The following ATP11B variants were observed in gnomAD, a reference collection of about 807,000 sequenced individuals.
ATP11B encodes ATPase phospholipid transporting 11B (putative), also known as phospholipid-transporting ATPase IF.
ATP11B carries 81 observed loss-of-function variants against 157.8 expected under a neutral mutation model. The observed-to-expected ratio is 0.51, with a 90% CI of 0.43 to 0.62. ATP11B has a LOEUF of 0.62. ATP11B is among the 20% of genes least tolerant of loss of function. ATP11B has a pLI of 0.00. For synonymous variants in ATP11B, 451 were observed against 469.4 expected, an observed-to-expected ratio of 0.96 and a Z score of 0.51; for missense variants, 1,165 against 1,402.2, an observed-to-expected ratio of 0.83 and a Z score of 2.70.
chr3:182,835,284 G>A (rs932235672), intron 4 of ATP11B, among the ~76,000 whole-genome samples: 4 of 152,140 alleles, frequency 2.6e-5, no homozygotes, highest in Admixed American at 2.6e-4. Context: ...CTGTCAGTCT[G>A]TTGTTTAAGA....
intron 9 of ATP11B, among the ~76,000 whole-genome samples, chr3:182,847,696 G>A (rs548314439): frequency 3.9e-5 from 6 of 152,182 alleles, no homozygotes; most frequent in Non-Finnish European, 7.4e-5. Flanking sequence ...TCAGTTTTTA[G>A]GCATTTTGTT....
At chr3:182,887,012 C>T (rs1396021447) in intron 23 of ATP11B, among the ~76,000 whole-genome samples, 1 of 152,108 alleles carries the variant, frequency 6.6e-6, no homozygotes, top group African/African-American at 2.4e-5. Flanking sequence ...ATTTGGGAGG[C>T]AGTATTAATA....
At position 182,847,241 on chromosome 3, in the gene ATP11B, G is replaced by A. The variant is rs895793500; in HGVS notation, c.770-1235G>A. Reference sequence around the variant, plus strand: ...AATTTTTGTATTTTTAGTAGACCACGTTGGCCAGGTTGGTCTCGAACTCCT... The same window carrying A: ...AATTTTTGTATTTTTAGTAGACCACATTGGCCAGGTTGGTCTCGAACTCCT... On this transcript the variant is annotated intron_variant, in intron 9 of 29. Coordinates refer to ENST00000323116, the MANE Select transcript of ATP11B (RefSeq NM_014616.3). Among the ~76,000 whole-genome samples the A allele has an allele frequency of 4.6e-5, 7 of 152,004 alleles. No homozygotes were observed. The South Asian group carries it at 1.0e-3, about 23-fold the overall frequency.
Position 182,869,166 on chromosome 3 carries a change from C to G in ATP11B, c.1762+15C>G, listed in dbSNP as rs201786686. On this transcript the variant is annotated intron_variant, in intron 16 of 29. Transcript: ENST00000323116. ...GGCACCTTCAGGTAACCAATCTAAA[C>G]TTTCATGAATTTTTATTTATGTAAT... 1.2e-6 allele frequency: 2 copies of G among 1,604,038 alleles called. No homozygotes were observed. The highest frequency in any genetic ancestry group is 1.3e-5 in the African/African-American group (1 of 74,458).
Position 182,879,493 on chromosome 3 carries a change from T to C in ATP11B, c.2253-3T>C. The C allele has an allele frequency of 6.3e-7, 1 of 1,593,932 alleles. No individual in the cohort carries two copies. The highest frequency in any genetic ancestry group is 8.5e-7 in the Non-Finnish European group (1 of 1,173,818). On this transcript the variant is annotated splice_region_variant and splice_polypyrimidine_tract_variant and intron_variant, in intron 19 of 29. Coordinates refer to ENST00000323116, the MANE Select transcript of ATP11B (RefSeq NM_014616.3). ...CAGAGAATATAATTATTTTCTCTTT[T>C]AGAATTACAGAGGATCATGTGATTC...
chr3:182,869,854 CCAA>C (rs1721519044), intron 17 of ATP11B, among the ~76,000 whole-genome samples: 1 of 152,166 alleles, frequency 6.6e-6, no homozygotes, highest in Non-Finnish European at 1.5e-5. Context: ...ATGGAAAACC[CCAA>C]ATGTCCAGCT....
intron 19 of ATP11B, among the ~76,000 whole-genome samples, chr3:182,876,475 G>A (rs905664738): frequency 5.3e-5 from 8 of 152,106 alleles, no homozygotes; most frequent in South Asian, 2.1e-4. Flanking sequence ...TAGGCTTGCC[G>A]TCTTAGTCTG....
intron 28 of ATP11B, among the ~76,000 whole-genome samples, chr3:182,909,546 T>G (rs919225496): frequency 6.6e-6 from 1 of 152,170 alleles, no homozygotes; most frequent in African/African-American, 2.4e-5. Context: ...TTCCTCTCCT[T>G]ACTTTGAATG....
At chr3:182,808,760 T>G (rs895404945) in intron 1 of ATP11B, among the ~76,000 whole-genome samples, 2 of 152,160 alleles carry the variant, frequency 1.3e-5, no homozygotes, top group Non-Finnish European at 2.9e-5. Flanking sequence ...GGTTTTTGAT[T>G]AACAAAAAAG....
At chr3:182,893,246 T>A (rs1028212428) in intron 25 of ATP11B, among the ~76,000 whole-genome samples, 4 of 152,218 alleles carry the variant, frequency 2.6e-5, no homozygotes, top group African/African-American at 9.6e-5. Context: ...ACTTTTTTTT[T>A]ACATGAATAA....
chr3:182,853,762 G>A (rs564730795), intron 10 of ATP11B, among the ~76,000 whole-genome samples: 2 of 151,296 alleles, frequency 1.3e-5, no homozygotes, highest in African/African-American at 4.9e-5. Context: ...CAAAATCACA[G>A]CAATCTTTTT....
rs939246688 is a variant in ATP11B at position 182,836,689 on chromosome 3, G to A, written c.552+219G>A. 8.1e-6 allele frequency: 4 copies of A among 494,280 alleles called. No homozygotes were observed. The East Asian group carries it at 1.3e-4, about 16-fold the overall frequency. 30.6% of individuals were successfully genotyped at this position (494,280 alleles called of 1,614,324 possible). A position where few individuals can be genotyped will look rare whatever the true frequency, so the allele number is the denominator to read the frequency against. The stretch of plus-strand genomic sequence containing the variant: ...GTTTAATCCAAGTTAAAAACAGAAG[G>A]TGTTTTTAGGAAAAATATAATCTTT... On this transcript the variant is annotated intron_variant, in intron 6 of 29. Coordinates refer to ENST00000323116, the MANE Select transcript of ATP11B (RefSeq NM_014616.3).
chr3:182,810,806 A>G (rs963963386), intron 1 of ATP11B, among the ~76,000 whole-genome samples: 2 of 152,230 alleles, frequency 1.3e-5, no homozygotes, highest in Admixed American at 1.3e-4. Flanking sequence ...CTTGAGAGAT[A>G]GTGAATACTT....
At chr3:182,803,551 A>G (rs1397760254) in intron 1 of ATP11B, among the ~76,000 whole-genome samples, 1 of 152,182 alleles carries the variant, frequency 6.6e-6, no homozygotes, top group Non-Finnish European at 1.5e-5. Context: ...TTTATTACAT[A>G]TTTGACAATT....
chr3:182,864,026 T>C (rs1424699605), intron 12 of ATP11B, among the ~76,000 whole-genome samples: 1 of 152,154 alleles, frequency 6.6e-6, no homozygotes, highest in Non-Finnish European at 1.5e-5. Flanking sequence ...TTATTTCCAG[T>C]TTCACCATTT....
At chr3:182,849,338 G>A (rs1243641796) in intron 10 of ATP11B, among the ~76,000 whole-genome samples, 1 of 152,072 alleles carries the variant, frequency 6.6e-6, no homozygotes, top group African/African-American at 2.4e-5. Context: ...GAACATAAAA[G>A]AATACAGACT....
chr3:182,892,686 C>T (rs756035776), intron 25 of ATP11B, among the ~76,000 whole-genome samples: 3 of 152,098 alleles, frequency 2.0e-5, no homozygotes, highest in African/African-American at 2.4e-5. Context: ...AGTCATTCTT[C>T]ATGTATTTAT....
rs537933627 is a variant in ATP11B, at chr3:182,800,911, T to A, written c.27+7125T>A. On this transcript the variant is annotated intron_variant, in intron 1 of 29. Transcript: ENST00000323116. ...CCCGCCCAGATTCAGGTGATTCTCC[T>A]GCCTCAGCCTCCTGAGTAGCTGGGA... Among the ~76,000 whole-genome samples, 4 of 95,156 alleles carry A rather than the reference T, an allele frequency of 4.2e-5. No individual in the cohort carries two copies. In the East Asian group the frequency reaches 1.0e-3, roughly 24 times the overall value. The allele number at this position is 95,156 out of a possible 152,430, so 62.4% of individuals were successfully genotyped here.
At chr3:182,818,984 AAGAAAG>A (rs1560062494) in intron 1 of ATP11B, among the ~76,000 whole-genome samples, 1 of 151,490 alleles carries the variant, frequency 6.6e-6, no homozygotes, top group Non-Finnish European at 1.5e-5. Flanking sequence ...GTTAGAACCA[AAGAAAG>A]AAAGTCTTTC....
Sources: allele counts gnomAD v4.1 joint callset (sites outside exome capture counted in the v4.1 genomes callset), GRCh38; gene constraint gnomAD v4.1.1; transcripts MANE v1.5; gene names NCBI Gene and HGNC (gene_info 2026-07-23, HGNC 2026-07-21).